Variants in PRKN observed in about 807,000 individuals in gnomAD.
PRKN encodes E3 ubiquitin-protein ligase parkin.
Under a neutral mutation model 59.5 loss-of-function variants are expected in PRKN, and 56 were observed. The observed-to-expected ratio is 0.94, with a 90% CI of 0.76 to 1.18. The LOEUF (loss-of-function observed/expected upper bound fraction) is 1.18. PRKN is among the 50% of genes most tolerant of loss of function. The pLI is 0.00. For synonymous variants in PRKN, 250 were observed against 222.1 expected, an observed-to-expected ratio of 1.13 and a Z score of -1.12; for missense variants, 657 against 596.4, an observed-to-expected ratio of 1.10 and a Z score of -1.06.
intron 2 of PRKN, among the ~76,000 whole-genome samples, chr6:162,299,764 C>T (rs886919059): frequency 5.3e-5 from 8 of 151,914 alleles, no homozygotes; most frequent in Non-Finnish European, 1.0e-4. Flanking sequence ...GGAATTCTTC[C>T]TACCTACCAC....
chr6:162,151,206 G>GT (rs1562543405), intron 4 of PRKN, among the ~76,000 whole-genome samples: 1 of 152,156 alleles, frequency 6.6e-6, no homozygotes, highest in Non-Finnish European at 1.5e-5. Flanking sequence ...CTCCACACTC[G>GT]TAAGTGGGTC....
intron 2 of PRKN, among the ~76,000 whole-genome samples, chr6:162,278,292 G>A (rs548109109): frequency 1.3e-4 from 20 of 152,228 alleles, no homozygotes; most frequent in South Asian, 8.3e-4. Context: ...GAGGGATGAC[G>A]GAGGGATGAA....
In PRKN at chr6:162,508,410, T is replaced by C. The variant is rs185063632; in HGVS notation, c.8-64937A>G. Among the ~76,000 whole-genome samples, 132 of 152,300 alleles carry C rather than the reference T, an allele frequency of 8.7e-4. 1 individual carries two copies. The Middle Eastern group carries it at 0.01, about 12-fold the overall frequency. On this transcript the variant is annotated intron_variant, in intron 1 of 11. Coordinates refer to ENST00000366898, the MANE Select transcript of PRKN (RefSeq NM_004562.3). ...TATTTATCTTGTTTAGCAAATGACATAACATGATCTGCAAAAGCAAATGAA... is the reference window on the plus strand; with the variant it reads ...TATTTATCTTGTTTAGCAAATGACACAACATGATCTGCAAAAGCAAATGAA...
chr6:162,074,672 G>A (rs988649324), intron 4 of PRKN, among the ~76,000 whole-genome samples: 4 of 152,126 alleles, frequency 2.6e-5, no homozygotes, highest in African/African-American at 9.7e-5. Context: ...TCTCATTAGT[G>A]TAAGTGAAGT....
chr6:161,623,102 T>C (rs999522131), intron 7 of PRKN, among the ~76,000 whole-genome samples: 4 of 152,216 alleles, frequency 2.6e-5, no homozygotes, highest in African/African-American at 9.6e-5. Flanking sequence ...AAAATGTGTA[T>C]AAAATTGTAA....
At position 161,386,383 on chromosome 6, in the gene PRKN, T is replaced by A. The variant is rs547453433; in HGVS notation, c.1167+411A>T. 6.6e-6 allele frequency among the ~76,000 whole-genome samples: 1 copy of A among 152,212 alleles called. No homozygotes were observed. Among genetic ancestry groups the A allele is most frequent in the East Asian group, 1.9e-4 (1 of 5,190 alleles). ...ACAATGATATCCTTACATAATGTCA[T>A]CTTTCTGTACATGCCACTCACAGAG... On this transcript the variant is annotated intron_variant, in intron 10 of 11. Transcript: ENST00000366898. This position sits in a 1 kb window ranked among gnomAD's most constrained non-coding sequence, Gnocchi z 4.3.
chr6:161,749,465 T>C (rs1788584074), intron 7 of PRKN, among the ~76,000 whole-genome samples: 1 of 152,178 alleles, frequency 6.6e-6, no homozygotes, highest in Non-Finnish European at 1.5e-5. Context: ...ATTTGCAGGA[T>C]CAATTTCTAT....
intron 2 of PRKN, among the ~76,000 whole-genome samples, chr6:162,305,194 G>A (rs6914984): frequency 0.29 from 44,059 of 151,562 alleles, 9,233 homozygotes; most frequent in African/African-American, 0.57. Flanking sequence ...AAATAAAAGG[G>A]AAAAAAAAGT....
At chr6:162,033,987 G>A (rs917107746) in intron 5 of PRKN, among the ~76,000 whole-genome samples, 2 of 151,954 alleles carry the variant, frequency 1.3e-5, no homozygotes, top group South Asian at 2.1e-4. Flanking sequence ...TGATGTAACT[G>A]GTCCTAATTA....
At chr6:162,059,025 T>A (rs1777987543) in intron 4 of PRKN, among the ~76,000 whole-genome samples, 1 of 152,058 alleles carries the variant, frequency 6.6e-6, no homozygotes, top group Non-Finnish European at 1.5e-5. Context: ...CAGTTATATT[T>A]TGCTTCACAG....
chr6:162,434,291 A>G lies in PRKN; in HGVS notation c.171+9019T>C, dbSNP rs376207285. Among the ~76,000 whole-genome samples, 263 of 152,308 alleles carry G rather than the reference A, an allele frequency of 1.7e-3. 4 individuals carry two copies. The South Asian group carries it at 0.02, about 12-fold the overall frequency. ...TTTATAAATCATGGGCTTGCCCAAC[A>G]ATTCAGTAAATACTTGATGTTCTGC... On this transcript the variant is annotated intron_variant, in intron 2 of 11. Coordinates refer to ENST00000366898, the MANE Select transcript of PRKN (RefSeq NM_004562.3).
intron 2 of PRKN, among the ~76,000 whole-genome samples, chr6:162,394,021 A>G (rs1488184851): frequency 6.6e-6 from 1 of 152,194 alleles, no homozygotes; most frequent in African/African-American, 2.4e-5. Flanking sequence ...TTAGCAAAGC[A>G]TTATATATTT....
At chr6:161,863,325 T>TTA (rs1554235255) in intron 6 of PRKN, among the ~76,000 whole-genome samples, 1 of 147,424 alleles carries the variant, frequency 6.8e-6, no homozygotes, top group East Asian at 2.0e-4. Context: ...TTGGATTTAT[T>TTA]AAAAAAAAAA....
Position 162,338,948 on chromosome 6 carries a change from C to T in PRKN, c.172-76183G>A, listed in dbSNP as rs554309106. On this transcript the variant is annotated intron_variant, in intron 2 of 11. Coordinates refer to ENST00000366898, the MANE Select transcript of PRKN (RefSeq NM_004562.3). Reference sequence around the variant, plus strand: ...GAGCGCCTCTGCCCGGCCGCGACCCCGTCTGGGAGGTGAGGAGCGTCTCTG... The same window carrying T: ...GAGCGCCTCTGCCCGGCCGCGACCCTGTCTGGGAGGTGAGGAGCGTCTCTG... 2.4e-4 allele frequency among the ~76,000 whole-genome samples: 36 copies of T among 149,714 alleles called. No homozygotes were observed. The South Asian group carries it at 6.8e-3, about 28-fold the overall frequency.
intron 7 of PRKN, among the ~76,000 whole-genome samples, chr6:161,777,143 T>A (rs1789958903): frequency 6.6e-6 from 1 of 152,150 alleles, no homozygotes; most frequent in African/African-American, 2.4e-5. Context: ...AATAACAACA[T>A]CCATCCTAAT....
intron 9 of PRKN, among the ~76,000 whole-genome samples, chr6:161,418,855 T>C (rs1562435215): frequency 6.6e-6 from 1 of 152,200 alleles, no homozygotes; most frequent in Admixed American, 6.5e-5. Flanking sequence ...CCTGACCCTA[T>C]AAACATTTTG....
chr6:161,687,969 G>GT lies in PRKN; in HGVS notation c.871+97802dup, dbSNP rs1243327670. ...GGTTCCCTGCTACCTCTTTAGTTTT[G>GT]TTTTTTTCTTTTCATTCCATATCTC... On this transcript the variant is annotated intron_variant, in intron 7 of 11. Coordinates refer to ENST00000366898, the MANE Select transcript of PRKN (RefSeq NM_004562.3). Among the ~76,000 whole-genome samples, 4 of 152,012 alleles carry GT rather than the reference G, an allele frequency of 2.6e-5. No homozygotes were observed. In the South Asian group the frequency reaches 6.2e-4, roughly 24 times the overall value.
chr6:161,911,103 G>T (rs918625046), intron 6 of PRKN, among the ~76,000 whole-genome samples: 2 of 152,102 alleles, frequency 1.3e-5, no homozygotes, highest in African/African-American at 4.8e-5. Flanking sequence ...AATAGAAAAT[G>T]GACTTTCTTT....
intron 10 of PRKN, among the ~76,000 whole-genome samples, chr6:161,370,357 G>T (rs1183656910): frequency 8.6e-5 from 13 of 151,506 alleles, no homozygotes. Context: ...GGCCGAGGCG[G>T]GTGGATCACG....
Sources: gnomAD v4.1 joint callset for allele counts (sites outside exome capture counted in the v4.1 genomes callset) on GRCh38, gnomAD v4.1.1 for gene constraint, Gnocchi (gnomAD v3.1) non-coding constraint, MANE v1.5 for transcripts, NCBI Gene and HGNC (gene_info 2026-07-23, HGNC 2026-07-21) for gene names.